Variants in TANC1 observed in about 807,000 individuals in gnomAD.
TANC1 encodes the protein tetratricopeptide repeat, ankyrin repeat and coiled-coil containing 1, also known as protein TANC1.
TANC1 carries 77 observed loss-of-function variants against 149.7 expected under a neutral mutation model. The observed-to-expected ratio is 0.51, with a 90% CI of 0.43 to 0.62. TANC1 has a LOEUF of 0.62. Among genes scored for constraint, TANC1 ranks in the 20% least tolerant of loss-of-function variants. The pLI is 0.00. For synonymous variants in TANC1, 854 were observed against 925.0 expected, an observed-to-expected ratio of 0.92 and a Z score of 1.39; for missense variants, 1,985 against 2,321.8, an observed-to-expected ratio of 0.85 and a Z score of 2.98.
At position 159,219,224 on chromosome 2, in the gene TANC1, A is replaced by G. The variant is rs1321789489; in HGVS notation, c.3379-14A>G. 1.2e-6 allele frequency: 2 copies of G among 1,613,902 alleles called. No homozygotes were observed. The highest frequency in any genetic ancestry group is 1.3e-5 in the African/African-American group (1 of 74,904). ...ATGCAGCAGGAGGATGGTAATTCCA[A>G]ATGTCTCTTCCAGATTGTTAGACTG... On this transcript the variant is annotated splice_polypyrimidine_tract_variant and intron_variant, in intron 20 of 26. Transcript: ENST00000263635.
chr2:159,091,306 A>G (rs943447371), intron 3 of TANC1, among the ~76,000 whole-genome samples: 1 of 152,188 alleles, frequency 6.6e-6, no homozygotes, highest in African/African-American at 2.4e-5. Flanking sequence ...GCTAATAGCA[A>G]TGCCTAATTT....
intron 1 of TANC1, among the ~76,000 whole-genome samples, chr2:158,978,281 AG>A (rs2033924400): frequency 6.6e-6 from 1 of 152,162 alleles, no homozygotes; most frequent in South Asian, 2.1e-4. Context: ...TGGCAGCCTT[AG>A]GAAGGCAGGG....
intron 3 of TANC1, among the ~76,000 whole-genome samples, chr2:159,079,626 C>T (rs772546411): frequency 1.4e-4 from 22 of 152,252 alleles, no homozygotes; most frequent in Non-Finnish European, 3.2e-4. Flanking sequence ...AAATAAATTA[C>T]AGTGCTTTGT....
rs114275091 is a variant in TANC1 at position 159,091,641 on chromosome 2, T to C, written c.62-5996T>C. Among the ~76,000 whole-genome samples, 482 of 152,348 alleles carry C rather than the reference T, an allele frequency of 3.2e-3. 3 individuals carry two copies. Among genetic ancestry groups the C allele is most frequent in the Non-Finnish European group, 5.7e-3 (391 of 68,030 alleles). On this transcript the variant is annotated intron_variant, in intron 3 of 26. Transcript: ENST00000263635. ...AGAATAAAACCATGCGGACAGTATT[T>C]ACTGATCTCTGTTTAGATCCCACTG...
chr2:159,039,358 C>A (rs264611), intron 2 of TANC1, among the ~76,000 whole-genome samples: 33,249 of 151,868 alleles, frequency 0.22, 3,968 homozygotes, highest in South Asian at 0.46. Context: ...TCCTTCAGTT[C>A]TGCTCTGATC....
At chr2:159,070,157 CTGTT>C (rs956887599) in intron 3 of TANC1, among the ~76,000 whole-genome samples, 26 of 152,270 alleles carry the variant, frequency 1.7e-4, no homozygotes, top group African/African-American at 6.3e-4. Context: ...GAAGGAAATA[CTGTT>C]TTTCTGAATA....
Position 159,130,019 on chromosome 2 carries a change from C to G in TANC1, c.260-6175C>G, listed in dbSNP as rs141882057. ...GTGCACGTTACAGCTGGAAAAGCGG[C>G]GGCAGCAGGATACCAGTACCGGGGG... is the stretch of plus-strand genomic sequence containing the variant. On this transcript the variant is annotated intron_variant, in intron 4 of 26. Coordinates refer to ENST00000263635, the MANE Select transcript of TANC1 (RefSeq NM_033394.3). Among the ~76,000 whole-genome samples, 414 of 152,232 alleles carry G rather than the reference C, an allele frequency of 2.7e-3. 6 individuals are homozygous for G. The highest frequency in any genetic ancestry group is 9.4e-3 in the African/African-American group (391 of 41,542).
chr2:159,161,309 T>C (rs376418643), intron 7 of TANC1, among the ~76,000 whole-genome samples: 1 of 152,210 alleles, frequency 6.6e-6, no homozygotes, highest in Non-Finnish European at 1.5e-5. Flanking sequence ...GCCACAAAAA[T>C]AAAACCAAAC....
At chr2:158,970,847 G>T (rs887255119) in intron 1 of TANC1, among the ~76,000 whole-genome samples, 3 of 152,156 alleles carry the variant, frequency 2.0e-5, no homozygotes, top group Non-Finnish European at 4.4e-5. Context: ...TGCACATGTG[G>T]TGCCCCAAAC....
intron 14 of TANC1, among the ~76,000 whole-genome samples, chr2:159,182,844 G>C (rs183438780): frequency 6.6e-6 from 1 of 152,324 alleles, no homozygotes; most frequent in East Asian, 1.9e-4. Context: ...GGGTTGCACA[G>C]GAAGTCTCAT....
intron 4 of TANC1, among the ~76,000 whole-genome samples, chr2:159,117,539 G>T (rs2048388754): frequency 6.6e-6 from 1 of 151,870 alleles, no homozygotes; most frequent in African/African-American, 2.4e-5. Context: ...GTGACTACAG[G>T]TGCCCGCCAC....
chr2:159,178,305 G>C (rs958789177), intron 13 of TANC1, among the ~76,000 whole-genome samples: 3 of 152,206 alleles, frequency 2.0e-5, no homozygotes, highest in Non-Finnish European at 1.5e-5. Context: ...TACTCTGCTT[G>C]CTAGGCTCAG....
At chr2:159,011,796 C>T (rs1318299304) in intron 2 of TANC1, among the ~76,000 whole-genome samples, 2 of 152,140 alleles carry the variant, frequency 1.3e-5, no homozygotes, top group African/African-American at 4.8e-5. Context: ...GTGTACATCC[C>T]ACTCCCGAAT....
At chr2:159,073,322 G>A (rs1344015347) in intron 3 of TANC1, among the ~76,000 whole-genome samples, 1 of 152,156 alleles carries the variant, frequency 6.6e-6, no homozygotes, top group Non-Finnish European at 1.5e-5. Flanking sequence ...TACATGTAAG[G>A]CCCAAGCTGG....
At chr2:159,139,188 T>A (rs371091846) in intron 5 of TANC1, among the ~76,000 whole-genome samples, 35 of 152,216 alleles carry the variant, frequency 2.3e-4, no homozygotes, top group South Asian at 2.1e-3. Context: ...AGCAGCATAG[T>A]GAGACCTTGT....
intron 2 of TANC1, among the ~76,000 whole-genome samples, chr2:159,010,105 G>A (rs141926077): frequency 0.016 from 2,409 of 152,268 alleles, 35 homozygotes; most frequent in Middle Eastern, 0.027. Flanking sequence ...CCACTGGTGC[G>A]TGCCTTTCAT....
chr2:159,187,705 G>A (rs528946253), intron 16 of TANC1, among the ~76,000 whole-genome samples: 1 of 152,274 alleles, frequency 6.6e-6, no homozygotes, highest in Admixed American at 6.5e-5. Flanking sequence ...GCTGCCTGTG[G>A]AAGCCCTGGG....
intron 1 of TANC1, among the ~76,000 whole-genome samples, chr2:158,988,445 G>A (rs2035265346): frequency 1.3e-5 from 2 of 152,086 alleles, no homozygotes; most frequent in Admixed American, 1.3e-4. Flanking sequence ...GCAAGATTTG[G>A]GTTCATTAAC....
chr2:159,046,449 A>G (rs1032499366), intron 2 of TANC1, among the ~76,000 whole-genome samples: 1 of 152,134 alleles, frequency 6.6e-6, no homozygotes, highest in African/African-American at 2.4e-5. Context: ...TCGACGTCCC[A>G]AATGGCCTCT....
Sources: gnomAD v4.1 joint callset for allele counts (sites outside exome capture counted in the v4.1 genomes callset) on GRCh38, gnomAD v4.1.1 for gene constraint, MANE v1.5 for transcripts, NCBI Gene and HGNC (gene_info 2026-07-23, HGNC 2026-07-21) for gene names.